MARCHF6: variants seen among roughly 807,000 people sequenced by gnomAD.
MARCHF6 encodes E3 ubiquitin-protein ligase MARCHF6.
Under a neutral mutation model 133.7 loss-of-function variants are expected in MARCHF6, and 31 were observed. The observed-to-expected ratio is 0.23, with a 90% CI of 0.17 to 0.31. The LOEUF is 0.31. Ranked by LOEUF, MARCHF6 falls within the 10% of genes least tolerant of loss-of-function variation. MARCHF6 has a pLI of 1.00. For synonymous variants in MARCHF6, 395 were observed against 402.5 expected, an observed-to-expected ratio of 0.98 and a Z score of 0.22; for missense variants, 723 against 1,121.6, an observed-to-expected ratio of 0.64 and a Z score of 5.08.
chr5:10,394,736 G>C lies in MARCHF6; in HGVS notation c.829-17G>C. On this transcript the variant is annotated splice_polypyrimidine_tract_variant and intron_variant, in intron 8 of 25. Transcript: ENST00000274140. ...GTTGCATCTTAAATTAATGCTTATC[G>C]TTTTTGTTTATTTTAGATGCTAGGA... The C allele has an allele frequency of 6.4e-7, 1 of 1,569,636 alleles. No individual in the cohort carries two copies. The highest frequency in any genetic ancestry group is 8.7e-7 in the Non-Finnish European group (1 of 1,149,868).
chr5:10,371,162 T>C (rs897467283), intron 1 of MARCHF6, among the ~76,000 whole-genome samples: 2 of 152,204 alleles, frequency 1.3e-5, no homozygotes, highest in Non-Finnish European at 2.9e-5. Context: ...GTGTGACAGT[T>C]CAGTGATACC....
chr5:10,401,725 T>C, intron 11 of MARCHF6: 1 of 328,148 alleles, frequency 3.0e-6, no homozygotes, highest in Non-Finnish European at 5.5e-6. Flanking sequence ...CTTTCAGTGG[T>C]TAGCCTTTAG....
chr5:10,395,073 A>G (rs1336676034), intron 9 of MARCHF6, among the ~76,000 whole-genome samples: 1 of 152,190 alleles, frequency 6.6e-6, no homozygotes, highest in African/African-American at 2.4e-5. Context: ...TGCTGGGATT[A>G]CAGGCGTGAG....
Position 10,405,697 on chromosome 5 carries a change from G to GTTTT in MARCHF6, c.1452+29_1452+32dup. The stretch of plus-strand genomic sequence containing the variant: ...TCAGTGGTAAGAAGATGTTTCCATT[G>GTTTT]TTTTTTTTTTTTGAATTAATTGTGC... On this transcript the variant is annotated intron_variant, in intron 16 of 25. Coordinates refer to ENST00000274140, the MANE Select transcript of MARCHF6 (RefSeq NM_005885.4). The GTTTT allele has an allele frequency of 8.4e-7, 1 of 1,193,768 alleles. No individual in the cohort carries two copies. The highest frequency in any genetic ancestry group is 1.1e-6 in the Non-Finnish European group (1 of 884,864). The allele number at this position is 1,193,768 out of a possible 1,614,324, so 73.9% of individuals were successfully genotyped here.
intron 1 of MARCHF6, among the ~76,000 whole-genome samples, chr5:10,354,248 C>A (rs1187941957): frequency 6.6e-6 from 1 of 152,200 alleles, no homozygotes; most frequent in African/African-American, 2.4e-5. Context: ...TCTGTCGCTG[C>A]CGTCCGGGGG....
intron 1 of MARCHF6, among the ~76,000 whole-genome samples, chr5:10,367,031 AT>A (rs58300967): frequency 1 from 152,175 of 152,204 alleles, 76,073 homozygotes; most frequent in Middle Eastern, 1. Context: ...ACTTCATGTG[AT>A]TTTTTTCCTT....
chr5:10,413,389 T>C (rs2567588), intron 19 of MARCHF6: 33,638 of 152,082 alleles, frequency 0.22, 5,460 homozygotes, highest in East Asian at 0.67. Flanking sequence ...TGGGTTTTGT[T>C]ATCTGTCCTT....
At chr5:10,383,092 C>T (rs965800264) in intron 4 of MARCHF6, among the ~76,000 whole-genome samples, 1 of 152,132 alleles carries the variant, frequency 6.6e-6, no homozygotes, top group East Asian at 1.9e-4. Context: ...CTTCATGTCT[C>T]CTTAAAATAT....
intron 3 of MARCHF6, among the ~76,000 whole-genome samples, chr5:10,379,108 A>C (rs543578618): frequency 1.1e-4 from 16 of 152,138 alleles, no homozygotes; most frequent in African/African-American, 3.6e-4. Flanking sequence ...AATTGTAGAC[A>C]GGTTCGAACA....
At chr5:10,405,808 T>C (rs562095896) in intron 16 of MARCHF6, 131 bp downstream of exon 16, 1 of 701,332 alleles carries the variant, frequency 1.4e-6, no homozygotes, top group East Asian at 3.3e-5. Flanking sequence ...TCTAAGCCTG[T>C]GGTATTCAGT....
intron 4 of MARCHF6, among the ~76,000 whole-genome samples, chr5:10,384,978 C>T (rs940619151): frequency 2.0e-5 from 3 of 152,112 alleles, no homozygotes; most frequent in Admixed American, 6.5e-5. Flanking sequence ...ATGGATACAT[C>T]GTGGTTTATT....
At chr5:10,384,249 ATAAT>A (rs1343264323) in intron 4 of MARCHF6, among the ~76,000 whole-genome samples, 1 of 152,240 alleles carries the variant, frequency 6.6e-6, no homozygotes, top group East Asian at 1.9e-4. Flanking sequence ...TAAATTGAAC[ATAAT>A]TAAAGTTAAA....
chr5:10,435,639 CTATATATATATATATATATA>C lies in MARCHF6; in HGVS notation c.*1995_*2014del, dbSNP rs1248965119. ...AGCATATAACTATATAACTATATAA[CTATATATATATATATATATA>C]TATATATATATATATATATATATAT... On this transcript the variant is annotated 3_prime_UTR_variant, in exon 26 of 26. Coordinates refer to ENST00000274140, the MANE Select transcript of MARCHF6 (RefSeq NM_005885.4). The C allele has an allele frequency of 0.014, 33 of 2,410 alleles. No homozygotes were observed. The highest frequency in any genetic ancestry group is 0.033 in the Admixed American group (3 of 90). The allele number at this position is 2,410 out of a possible 1,614,324, so 0.1% of individuals were successfully genotyped here.
In MARCHF6 at chr5:10,415,525, G is replaced by T. The variant is rs749937175; in HGVS notation, c.2004G>T (p.Gly668=). The part of the protein sequence containing the change: ...AGRWLMSFWT[G]TAKIHELYTA... ...GTTGGTTAATGTCGTTTTGGACGGGGACTGCCAAAATCCATGAGCTCTACA... is the reference window on the plus strand; with the variant it reads ...GTTGGTTAATGTCGTTTTGGACGGGTACTGCCAAAATCCATGAGCTCTACA... Residue 668 remains glycine (G), a synonymous_variant, in exon 21 of 26, where the codon GGG becomes GGT. Coordinates refer to ENST00000274140, the MANE Select transcript of MARCHF6 (RefSeq NM_005885.4). 18 of 1,598,264 alleles carry T rather than the reference G, an allele frequency of 1.1e-5. No homozygotes were observed. The South Asian group carries it at 2.0e-4, about 18-fold the overall frequency.
At chr5:10,355,054 C>T (rs1490683868) in intron 1 of MARCHF6, among the ~76,000 whole-genome samples, 1 of 152,060 alleles carries the variant, frequency 6.6e-6, no homozygotes, top group Non-Finnish European at 1.5e-5. Flanking sequence ...TAGGTATTAT[C>T]TTTTATAGAT....
chr5:10,374,785 C>A (rs1274647409), intron 1 of MARCHF6, among the ~76,000 whole-genome samples: 2 of 152,212 alleles, frequency 1.3e-5, no homozygotes, highest in Non-Finnish European at 2.9e-5. Flanking sequence ...TTCCAGGAAA[C>A]CAGAGCCCTT....
chr5:10,399,409 T>C (rs781078852), intron 10 of MARCHF6, among the ~76,000 whole-genome samples: 2 of 152,062 alleles, frequency 1.3e-5, no homozygotes, highest in Non-Finnish European at 2.9e-5. Flanking sequence ...AGATCCCTAG[T>C]AGGTTCACTC....
Position 10,435,366 on chromosome 5 carries a change from C to G in MARCHF6, c.*1682C>G, listed in dbSNP as rs1020303907. The G allele has an allele frequency of 7.0e-6, 1 of 142,772 alleles. No homozygotes were observed. Among genetic ancestry groups the G allele is most frequent in the African/African-American group, 2.7e-5 (1 of 36,996 alleles). The allele number at this position is 142,772 out of a possible 1,614,324, so 8.8% of individuals were successfully genotyped here. ...GCGAGGCTATGCGTTCGAGGCCAAC[C>G]TAGGCAAAATTGGAAAAAAAAAAAA... On this transcript the variant is annotated 3_prime_UTR_variant, in exon 26 of 26. Coordinates refer to ENST00000274140, the MANE Select transcript of MARCHF6 (RefSeq NM_005885.4).
At chr5:10,405,709 TG>T in intron 16 of MARCHF6, 32 bp downstream of exon 16, 1 of 1,561,236 alleles carries the variant, frequency 6.4e-7, no homozygotes, top group African/African-American at 1.4e-5. Context: ...TTTTTTTTTT[TG>T]AATTAATTGT....
Sources: gnomAD v4.1 joint callset for allele counts (sites outside exome capture counted in the v4.1 genomes callset) on GRCh38, gnomAD v4.1.1 for gene constraint, MANE v1.5 for transcripts, NCBI Gene and HGNC (gene_info 2026-07-23, HGNC 2026-07-21) for gene names.